The following PAN3 variants were observed in gnomAD, a reference collection of about 807,000 sequenced individuals.
The protein encoded by PAN3 is poly(A) specific ribonuclease subunit PAN3, also known as PAN2-PAN3 deadenylation complex subunit PAN3.
Under a neutral mutation model 96.2 loss-of-function variants are expected in PAN3, and 19 were observed. That is an observed-to-expected ratio of 0.20 (90% CI 0.14 to 0.29). The LOEUF is 0.29. Among genes scored for constraint, PAN3 ranks in the 10% least tolerant of loss-of-function variants. The pLI is 1.00. For synonymous variants in PAN3, 433 were observed against 406.6 expected, an observed-to-expected ratio of 1.06 and a Z score of -0.78; for missense variants, 882 against 1,108.1, an observed-to-expected ratio of 0.80 and a Z score of 2.90.
intron 1 of PAN3, among the ~76,000 whole-genome samples, chr13:28,171,438 G>T (rs1382171383): frequency 6.6e-6 from 1 of 152,126 alleles, no homozygotes; most frequent in African/African-American, 2.4e-5. Context: ...GCTCAGTCAC[G>T]CAAGACTGCT....
chr13:28,289,788 A>AC (rs1869502984), intron 18 of PAN3, among the ~76,000 whole-genome samples: 1 of 152,208 alleles, frequency 6.6e-6, no homozygotes, highest in Non-Finnish European at 1.5e-5. Flanking sequence ...AGGCTGAGAC[A>AC]GGAGAATGGC....
In PAN3 at chr13:28,183,727, A is replaced by G. The variant is rs191427383; in HGVS notation, c.690+5792A>G. Among the ~76,000 whole-genome samples the G allele has an allele frequency of 3.3e-3, 496 of 152,352 alleles. 3 individuals are homozygous for G. The highest frequency in any genetic ancestry group is 0.011 in the African/African-American group (467 of 41,580). On this transcript the variant is annotated intron_variant, in intron 4 of 18. Coordinates refer to ENST00000380958, the MANE Select transcript of PAN3 (RefSeq NM_175854.8). ...GTTTAGAGTTAGATGCGAGGCAGTC[A>G]GGATTGAATTAGTGTTGCTTCACTG... is the stretch of plus-strand genomic sequence containing the variant.
chr13:28,274,448 A>G (rs1004899886), intron 14 of PAN3, among the ~76,000 whole-genome samples: 1 of 152,000 alleles, frequency 6.6e-6, no homozygotes, highest in Admixed American at 6.6e-5. Context: ...TTTTAGAGCC[A>G]GTACCATCAT....
intron 6 of PAN3, among the ~76,000 whole-genome samples, chr13:28,235,886 A>ATTT (rs553429429): frequency 7.1e-6 from 1 of 140,838 alleles, no homozygotes; most frequent in Non-Finnish European, 1.6e-5. Context: ...TGATTTTTAA[A>ATTT]TTTTTTTTTT....
intron 6 of PAN3, among the ~76,000 whole-genome samples, chr13:28,255,859 G>A (rs1885097354): frequency 6.6e-6 from 1 of 151,578 alleles, no homozygotes; most frequent in South Asian, 2.1e-4. Context: ...TTTGGGGAAT[G>A]TGCTATTTGT....
At chr13:28,269,965 T>C (rs1886475499) in intron 12 of PAN3, among the ~76,000 whole-genome samples, 3 of 152,100 alleles carry the variant, frequency 2.0e-5, no homozygotes, top group South Asian at 2.1e-4. Context: ...TAGGGACTCA[T>C]GCTTGCAATC....
intron 1 of PAN3, among the ~76,000 whole-genome samples, chr13:28,163,585 A>G (rs1314285375): frequency 6.6e-6 from 1 of 152,208 alleles, no homozygotes; most frequent in Non-Finnish European, 1.5e-5. Context: ...TAGTATGTAA[A>G]TGGCACAAGT....
At chr13:28,262,596 C>G (rs1885831044) in intron 9 of PAN3, among the ~76,000 whole-genome samples, 1 of 151,604 alleles carries the variant, frequency 6.6e-6, no homozygotes, top group African/African-American at 2.4e-5. Flanking sequence ...AGGCTTTAGC[C>G]AGGTTTTGCA....
At chr13:28,201,304 A>G (rs972497283) in intron 5 of PAN3, among the ~76,000 whole-genome samples, 3 of 151,694 alleles carry the variant, frequency 2.0e-5, no homozygotes, top group African/African-American at 7.3e-5. Flanking sequence ...TTGGCACGCC[A>G]AAGTGTTGGG....
chr13:28,140,711 T>C (rs531765763), intron 1 of PAN3, among the ~76,000 whole-genome samples: 1 of 151,716 alleles, frequency 6.6e-6, no homozygotes, highest in Admixed American at 6.6e-5. Flanking sequence ...TCTTTTCTCC[T>C]TTCTCTCTTC....
chr13:28,251,294 G>T (rs994493298), intron 6 of PAN3, among the ~76,000 whole-genome samples: 1 of 152,108 alleles, frequency 6.6e-6, no homozygotes, highest in Non-Finnish European at 1.5e-5. Flanking sequence ...TTCTTGTGTT[G>T]CTAATTCTCA....
intron 1 of PAN3, among the ~76,000 whole-genome samples, chr13:28,158,934 C>T (rs1470628346): frequency 2.0e-5 from 3 of 150,630 alleles, no homozygotes; most frequent in Non-Finnish European, 4.4e-5. Flanking sequence ...AAATCAAAAC[C>T]ACATTGAGAT....
At chr13:28,273,047 C>T (rs1217852349) in intron 14 of PAN3, among the ~76,000 whole-genome samples, 1 of 152,144 alleles carries the variant, frequency 6.6e-6, no homozygotes, top group Non-Finnish European at 1.5e-5. Context: ...TTTTAGAACA[C>T]TTGTCTGACT....
intron 6 of PAN3, among the ~76,000 whole-genome samples, chr13:28,243,661 T>C (rs906850013): frequency 6.6e-6 from 1 of 152,140 alleles, no homozygotes; most frequent in African/African-American, 2.4e-5. Context: ...GAGCCACTTT[T>C]AATTTCTATC....
chr13:28,219,067 A>G (rs1398000678), intron 5 of PAN3, among the ~76,000 whole-genome samples: 1 of 152,214 alleles, frequency 6.6e-6, no homozygotes, highest in Admixed American at 6.5e-5. Context: ...TTTCTTCTCC[A>G]GAAATCAAGG....
intron 4 of PAN3, among the ~76,000 whole-genome samples, chr13:28,194,063 A>G (rs1231482045): frequency 6.6e-6 from 1 of 151,502 alleles, no homozygotes; most frequent in African/African-American, 2.4e-5. Flanking sequence ...AGACTGAGGC[A>G]GGAGAATCAC....
chr13:28,234,850 C>T (rs980061875), intron 6 of PAN3, among the ~76,000 whole-genome samples: 1 of 152,054 alleles, frequency 6.6e-6, no homozygotes, highest in Non-Finnish European at 1.5e-5. Flanking sequence ...ACTTGGCTTT[C>T]ATATTATATC....
At chr13:28,212,426 C>T (rs1055185094) in intron 5 of PAN3, among the ~76,000 whole-genome samples, 3 of 152,094 alleles carry the variant, frequency 2.0e-5, no homozygotes, top group Admixed American at 1.3e-4. Flanking sequence ...CAGCACCCAG[C>T]AGATAAAAGT....
chr13:28,143,977 G>A (rs1870213821), intron 1 of PAN3, among the ~76,000 whole-genome samples: 1 of 152,106 alleles, frequency 6.6e-6, no homozygotes, highest in Non-Finnish European at 1.5e-5. Context: ...TGTTAGGATA[G>A]CTGGCATAAG....
Sources: gnomAD v4.1 joint callset for allele counts (sites outside exome capture counted in the v4.1 genomes callset) on GRCh38, gnomAD v4.1.1 for gene constraint, MANE v1.5 for transcripts, NCBI Gene and HGNC (gene_info 2026-07-23, HGNC 2026-07-21) for gene names.